The following ERBB4 variants were observed in gnomAD, a reference collection of about 807,000 sequenced individuals.
ERBB4 encodes the protein erb-b2 receptor tyrosine kinase 4.
ERBB4 carries 42 observed loss-of-function variants against 158.0 expected under a neutral mutation model. That is an observed-to-expected ratio of 0.27 (90% confidence interval 0.21 to 0.34). The LOEUF (loss-of-function observed/expected upper bound fraction) is 0.34. ERBB4 is among the 10% of genes least tolerant of loss of function. The pLI, the probability that ERBB4 is intolerant of heterozygous loss-of-function variation, is 1.00. For synonymous variants in ERBB4, 583 were observed against 558.7 expected, an observed-to-expected ratio of 1.04 and a Z score of -0.61; for missense variants, 1,333 against 1,624.1, an observed-to-expected ratio of 0.82 and a Z score of 3.08.
chr2:212,159,687 A>G (rs1000482120), intron 1 of ERBB4, among the ~76,000 whole-genome samples: 5 of 152,004 alleles, frequency 3.3e-5, no homozygotes, highest in African/African-American at 1.2e-4. Flanking sequence ...TAAAAAAAAG[A>G]CCACACTGCT....
chr2:211,992,565 G>GGAAAAAAA (rs56400627), intron 2 of ERBB4, among the ~76,000 whole-genome samples: 1 of 122,604 alleles, frequency 8.2e-6, no homozygotes, highest in Non-Finnish European at 1.7e-5. Flanking sequence ...GAGAGAGAGA[G>GGAAAAAAA]AGAAAAAAAA....
At chr2:212,101,350 C>CATATATATATATATATACATATATATAT (rs56091369) in intron 2 of ERBB4, among the ~76,000 whole-genome samples, 2 of 143,088 alleles carry the variant, frequency 1.4e-5, no homozygotes, top group Non-Finnish European at 1.5e-5. Flanking sequence ...ACACCCTATA[C>CATATATATATATATATACATATATATAT]ATATATATAT....
At chr2:212,034,991 G>A (rs562566145) in intron 2 of ERBB4, among the ~76,000 whole-genome samples, 8 of 152,214 alleles carry the variant, frequency 5.3e-5, no homozygotes, top group East Asian at 1.9e-4. Context: ...ATTATTTCCC[G>A]CTGACAAGCA....
intron 1 of ERBB4, among the ~76,000 whole-genome samples, chr2:212,270,860 T>C (rs1471395929): frequency 6.6e-6 from 1 of 151,702 alleles, no homozygotes; most frequent in Non-Finnish European, 1.5e-5. Context: ...GACCTGACTA[T>C]TTCCCAGCTT....
chr2:211,774,790 T>A (rs1480433899), intron 4 of ERBB4, among the ~76,000 whole-genome samples: 1 of 152,210 alleles, frequency 6.6e-6, no homozygotes, highest in East Asian at 1.9e-4. Context: ...GGGTGCTTAT[T>A]ATATCGTTTA....
At chr2:211,912,427 A>C (rs566491422) in intron 3 of ERBB4, among the ~76,000 whole-genome samples, 2 of 152,266 alleles carry the variant, frequency 1.3e-5, no homozygotes, top group South Asian at 4.1e-4. Context: ...TAGGTTAATA[A>C]CTTGATTTAA....
chr2:211,853,754 A>G (rs753341488), intron 3 of ERBB4, among the ~76,000 whole-genome samples: 1 of 152,124 alleles, frequency 6.6e-6, no homozygotes, highest in Non-Finnish European at 1.5e-5. Context: ...TTAGGACTTT[A>G]CACTATTGTG....
chr2:212,520,973 A>G (rs968513938), intron 1 of ERBB4, among the ~76,000 whole-genome samples: 3 of 151,888 alleles, frequency 2.0e-5, no homozygotes, highest in African/African-American at 7.2e-5. Context: ...GCACTTAATA[A>G]TCACAACAAT....
chr2:212,105,746 C>T (rs1231176728), intron 2 of ERBB4, among the ~76,000 whole-genome samples: 3 of 152,200 alleles, frequency 2.0e-5, no homozygotes, highest in Non-Finnish European at 4.4e-5. Flanking sequence ...CAAATCTCAT[C>T]TTGAATCGTA....
intron 1 of ERBB4, among the ~76,000 whole-genome samples, chr2:212,299,246 C>T (rs1367408920): frequency 1.3e-5 from 2 of 151,612 alleles, no homozygotes; most frequent in African/African-American, 4.8e-5. Context: ...GAGCTCACAG[C>T]TCATAATGAC....
intron 2 of ERBB4, among the ~76,000 whole-genome samples, chr2:212,007,108 A>C (rs1347355302): frequency 6.6e-6 from 1 of 152,042 alleles, no homozygotes; most frequent in East Asian, 1.9e-4. Flanking sequence ...TCAATATGCC[A>C]AACCTTATTT....
chr2:212,165,306 G>A (rs1000636895), intron 1 of ERBB4, among the ~76,000 whole-genome samples: 2 of 148,794 alleles, frequency 1.3e-5, no homozygotes, highest in African/African-American at 2.5e-5. Flanking sequence ...TAAATTTTTT[G>A]CATTAATATA....
intron 2 of ERBB4, among the ~76,000 whole-genome samples, chr2:212,109,245 C>T (rs1039132377): frequency 2.3e-4 from 35 of 152,070 alleles, no homozygotes; most frequent in Admixed American, 1.7e-3. Flanking sequence ...TTAAGAGTTC[C>T]GGTCCATTTT....
At chr2:212,408,876 T>A (rs1403966614) in intron 1 of ERBB4, among the ~76,000 whole-genome samples, 1 of 152,050 alleles carries the variant, frequency 6.6e-6, no homozygotes, top group Non-Finnish European at 1.5e-5. Flanking sequence ...TTAAAAGCAA[T>A]CCTGACAAAA....
At position 212,308,993 on chromosome 2, in the gene ERBB4, T is replaced by G. The variant is rs138742536; in HGVS notation, c.83-184090A>C. On this transcript the variant is annotated intron_variant, in intron 1 of 27. Coordinates refer to ENST00000342788, the MANE Select transcript of ERBB4 (RefSeq NM_005235.3). ...CTCCCTTGAGGAGGTTCTTTTCAAT[T>G]TAAAGTGTATAAAATTGCTACAGTA... Among the ~76,000 whole-genome samples, 740 of 150,906 alleles carry G rather than the reference T, an allele frequency of 4.9e-3. 4 individuals carry two copies. Among genetic ancestry groups the G allele is most frequent in the African/African-American group, 0.016 (658 of 41,408 alleles).
intron 1 of ERBB4, among the ~76,000 whole-genome samples, chr2:212,333,006 T>TGG: frequency 5.3e-5 from 8 of 152,052 alleles, no homozygotes; most frequent in Non-Finnish European, 1.2e-4. Flanking sequence ...ACTAAGATCA[T>TGG]CACTCTAGCT....
chr2:212,292,783 C>T (rs927890523), intron 1 of ERBB4, among the ~76,000 whole-genome samples: 4 of 151,984 alleles, frequency 2.6e-5, no homozygotes, highest in East Asian at 1.9e-4. Flanking sequence ...ACGCTTTCTG[C>T]GTGAAATTGA....
intron 1 of ERBB4, among the ~76,000 whole-genome samples, chr2:212,228,492 A>G (rs2083551709): frequency 6.6e-6 from 1 of 152,180 alleles, no homozygotes; most frequent in South Asian, 2.1e-4. Flanking sequence ...AAGGTCTTCA[A>G]TGGATATTTT....
At chr2:211,760,161 A>G (rs2075374124) in intron 4 of ERBB4, among the ~76,000 whole-genome samples, 2 of 152,326 alleles carry the variant, frequency 1.3e-5, no homozygotes, top group South Asian at 4.1e-4. Context: ...GAATGTGACC[A>G]TGTGTTTCAT....
Sources: allele counts gnomAD v4.1 joint callset (sites outside exome capture counted in the v4.1 genomes callset), GRCh38; gene constraint gnomAD v4.1.1; transcripts MANE v1.5; gene names NCBI Gene and HGNC (gene_info 2026-07-23, HGNC 2026-07-21).